The following RAPGEF6 variants were observed in gnomAD, a reference collection of about 807,000 sequenced individuals.
RAPGEF6 encodes PDZ domain containing guanine nucleotide exchange factor (GEF) 2.
RAPGEF6 carries 56 observed loss-of-function variants against 171.4 expected under a neutral mutation model. The observed-to-expected ratio is 0.33, with a 90% CI of 0.26 to 0.41. The LOEUF is 0.41. Among genes scored for constraint, RAPGEF6 ranks in the 10% least tolerant of loss-of-function variants. RAPGEF6 has a pLI of 1.00. For missense variants in RAPGEF6, 1,674 were observed against 1,921.4 expected (o/e 0.87, Z 2.41); for synonymous variants, 692 against 650.1 (o/e 1.06, Z -0.98).
At chr5:131,612,551 C>T (rs953296249) in intron 1 of RAPGEF6, among the ~76,000 whole-genome samples, 7 of 152,118 alleles carry the variant, frequency 4.6e-5, no homozygotes, top group African/African-American at 1.7e-4. Context: ...GCTGCCTGGG[C>T]CCCAACCACT....
At chr5:131,622,115 G>C (rs1023186661) in intron 1 of RAPGEF6, among the ~76,000 whole-genome samples, 2 of 152,040 alleles carry the variant, frequency 1.3e-5, no homozygotes, top group Admixed American at 6.5e-5. Context: ...GTGCCTCAGA[G>C]AGTCATTTAA....
Position 131,575,563 on chromosome 5 carries a change from C to A in RAPGEF6, c.282-13516G>T, listed in dbSNP as rs186687114. Among the ~76,000 whole-genome samples, 312 of 152,294 alleles carry A rather than the reference C, an allele frequency of 2.0e-3. 1 individual carries two copies. Among genetic ancestry groups the A allele is most frequent in the African/African-American group, 7.4e-3 (306 of 41,540 alleles). Reference sequence around the variant, plus strand: ...AGCAACAACTCCTTTCCTTCCTAGGCGTGGTTGCACACTTTCGCCTTTGGA... The same window carrying A: ...AGCAACAACTCCTTTCCTTCCTAGGAGTGGTTGCACACTTTCGCCTTTGGA... On this transcript the variant is annotated intron_variant, in intron 4 of 27. Coordinates refer to ENST00000509018, the MANE Select transcript of RAPGEF6 (RefSeq NM_016340.6).
At chr5:131,481,931 A>G (rs1266116993) in intron 15 of RAPGEF6, among the ~76,000 whole-genome samples, 1 of 152,218 alleles carries the variant, frequency 6.6e-6, no homozygotes, top group East Asian at 1.9e-4. Flanking sequence ...ATCCAATCAC[A>G]GAGAATTTTT....
chr5:131,520,049 C>T (rs1580959893), intron 7 of RAPGEF6, among the ~76,000 whole-genome samples: 1 of 152,180 alleles, frequency 6.6e-6, no homozygotes, highest in African/African-American at 2.4e-5. Flanking sequence ...TAGATGACCA[C>T]AGCAATTACC....
chr5:131,487,557 T>G (rs1016390031), intron 15 of RAPGEF6, among the ~76,000 whole-genome samples: 4 of 152,138 alleles, frequency 2.6e-5, no homozygotes, highest in African/African-American at 9.7e-5. Flanking sequence ...GCATTTACAA[T>G]CCTTTAGCTA....
At chr5:131,575,801 C>G (rs1489668847) in intron 4 of RAPGEF6, among the ~76,000 whole-genome samples, 1 of 152,144 alleles carries the variant, frequency 6.6e-6, no homozygotes. Flanking sequence ...AGTTCTCTTA[C>G]ACAGGAATCA....
intron 1 of RAPGEF6, among the ~76,000 whole-genome samples, chr5:131,608,256 T>C (rs549981302): frequency 4.6e-5 from 7 of 152,358 alleles, no homozygotes; most frequent in African/African-American, 1.4e-4. Context: ...TGGCCCTTTA[T>C]AGAAAAAGTC....
At chr5:131,624,314 C>T (rs916253779) in intron 1 of RAPGEF6, among the ~76,000 whole-genome samples, 11 of 152,204 alleles carry the variant, frequency 7.2e-5, no homozygotes, top group East Asian at 3.9e-4. Flanking sequence ...CCAGTGACAC[C>T]GTTACCATAC....
intron 5 of RAPGEF6, among the ~76,000 whole-genome samples, chr5:131,558,776 G>A (rs977584106): frequency 2.6e-5 from 4 of 151,430 alleles, no homozygotes. Context: ...TTTATAATTG[G>A]TTTTTAAATT....
chr5:131,516,112 G>A (rs1249549061), intron 7 of RAPGEF6, among the ~76,000 whole-genome samples: 7 of 124,264 alleles, frequency 5.6e-5, no homozygotes, highest in African/African-American at 1.3e-4. Context: ...TTTCTGTGAC[G>A]GAGTCTTTCT....
intron 8 of RAPGEF6, among the ~76,000 whole-genome samples, chr5:131,509,414 G>A (rs112369821): frequency 0.073 from 11,034 of 151,928 alleles, 805 homozygotes; most frequent in African/African-American, 0.19. Flanking sequence ...GTGGTGGCGG[G>A]CGCCTGTAGT....
At chr5:131,459,880 C>T (rs899237791) in intron 19 of RAPGEF6, among the ~76,000 whole-genome samples, 3 of 152,040 alleles carry the variant, frequency 2.0e-5, no homozygotes, top group Non-Finnish European at 4.4e-5. Context: ...TCGCTGTGTA[C>T]TCTTTATCTT....
intron 27 of RAPGEF6, among the ~76,000 whole-genome samples, chr5:131,428,086 C>G (rs896624287): frequency 1.3e-5 from 2 of 151,730 alleles, no homozygotes; most frequent in Non-Finnish European, 2.9e-5. Flanking sequence ...CTGAGTGACA[C>G]AGCAAGACCT....
chr5:131,499,057 T>G (rs375036604), intron 11 of RAPGEF6, among the ~76,000 whole-genome samples: 3 of 152,116 alleles, frequency 2.0e-5, no homozygotes, highest in Non-Finnish European at 4.4e-5. Flanking sequence ...TTCTCCAAAT[T>G]TAATCCACCT....
chr5:131,577,347 A>G (rs548203777), intron 4 of RAPGEF6, among the ~76,000 whole-genome samples: 1 of 152,308 alleles, frequency 6.6e-6, no homozygotes, highest in Admixed American at 6.5e-5. Flanking sequence ...CCAAATTAAA[A>G]AAGACTGGAC....
intron 22 of RAPGEF6, among the ~76,000 whole-genome samples, chr5:131,443,850 GAATA>G (rs754557998): frequency 2.6e-5 from 4 of 152,156 alleles, no homozygotes; most frequent in Non-Finnish European, 5.9e-5. Context: ...GGTATTTGTT[GAATA>G]AATAAGTGAA....
intron 4 of RAPGEF6, among the ~76,000 whole-genome samples, chr5:131,575,324 C>T (rs186295622): frequency 3.3e-5 from 5 of 152,292 alleles, no homozygotes; most frequent in South Asian, 2.1e-4. Flanking sequence ...AATATATGGA[C>T]GACCTTCTCC....
In RAPGEF6 at chr5:131,543,013, G is replaced by A. The variant is rs548641320; in HGVS notation, c.495+5034C>T. On this transcript the variant is annotated intron_variant, in intron 6 of 27. Coordinates refer to ENST00000509018, the MANE Select transcript of RAPGEF6 (RefSeq NM_016340.6). ...TGGCTAGCTAGCTGCTATCAATTTC[G>A]ATGGCACAGACATAAAATATTTCCA... Among the ~76,000 whole-genome samples, 3 of 152,246 alleles carry A rather than the reference G, an allele frequency of 2.0e-5. No homozygotes were observed. The South Asian group carries it at 6.2e-4, about 32-fold the overall frequency.
At chr5:131,439,907 C>T in intron 23 of RAPGEF6, 192 bp from the exon 24 acceptor site, 1 of 999,966 alleles carries the variant, frequency 1.0e-6, no homozygotes, top group Non-Finnish European at 1.4e-6. Flanking sequence ...GTTATTCATT[C>T]AAATTCAGCT....
Sources: allele counts gnomAD v4.1 joint callset (sites outside exome capture counted in the v4.1 genomes callset), GRCh38; gene constraint gnomAD v4.1.1; transcripts MANE v1.5; gene names NCBI Gene and HGNC (gene_info 2026-07-23, HGNC 2026-07-21).